Variants in LPIN1 observed in about 807,000 individuals in gnomAD.
LPIN1 encodes lipin 1.
Under a neutral mutation model 107.5 loss-of-function variants are expected in LPIN1, and 71 were observed. The ratio of observed to expected loss-of-function variants is 0.66; its 90% confidence interval spans 0.55 to 0.80. The LOEUF (loss-of-function observed/expected upper bound fraction) is 0.80. Ranked by LOEUF, LPIN1 falls within the 30% of genes least tolerant of loss-of-function variation. LPIN1 has a pLI of 0.00. For missense variants in LPIN1, 1,043 were observed against 1,160.6 expected (o/e 0.90, Z 1.47); for synonymous variants, 445 against 452.6 (o/e 0.98, Z 0.21).
Position 11,782,218 on chromosome 2 carries a change from G to C in LPIN1, c.975G>C (p.Lys325Asn). Reference protein sequence around the residue: ...PQAAKSSSPHKMKESSPLSSR... With the variant: ...PQAAKSSSPHNMKESSPLSSR... ...TGCTCTAGTCTTCTTCTCCACACAA[G>C]ATGAAAGAGTCCAGCCCATTGAGCA... Residue 325 changes from lysine (K) to asparagine (N), a missense_variant, in exon 8 of 21, where the codon AAG becomes AAC. Transcript: ENST00000674199. 9 of 1,614,022 alleles carry C rather than the reference G, an allele frequency of 5.6e-6. No individual in the cohort carries two copies. Among genetic ancestry groups the C allele is most frequent in the Non-Finnish European group, 7.6e-6 (9 of 1,179,920 alleles).
At chr2:11,715,779 G>A (rs1663694784) in intron 2 of LPIN1, among the ~76,000 whole-genome samples, 1 of 152,152 alleles carries the variant, frequency 6.6e-6, no homozygotes, top group African/African-American at 2.4e-5. Context: ...TTTGAGATTT[G>A]GGGGATGTGA....
At chr2:11,805,414 T>C (rs2148703928) in intron 17 of LPIN1, 2 of 578,046 alleles carry the variant, frequency 3.5e-6, no homozygotes, top group Non-Finnish European at 6.2e-6. Context: ...ACACAGATGG[T>C]GGCAGCATTA....
upstream of LPIN1, among the ~76,000 whole-genome samples, chr2:11,744,329 C>G (rs546234184): frequency 2.6e-5 from 4 of 152,362 alleles, no homozygotes; most frequent in South Asian, 8.3e-4. Context: ...GGACTCCAGC[C>G]AGTGCCTGAT....
chr2:11,716,383 G>T (rs1183245491), intron 2 of LPIN1, among the ~76,000 whole-genome samples: 2 of 151,926 alleles, frequency 1.3e-5, no homozygotes, highest in Middle Eastern at 3.2e-3. Flanking sequence ...AAGACTCAAA[G>T]TCTCTCTCTC....
At chr2:11,788,089 C>T (rs1674976942) in intron 11 of LPIN1, among the ~76,000 whole-genome samples, 1 of 152,130 alleles carries the variant, frequency 6.6e-6, no homozygotes, top group South Asian at 2.1e-4. Context: ...CAAGAAATAC[C>T]CCAAGCACGT....
At chr2:11,694,923 C>G (rs974867314) in intron 1 of LPIN1, among the ~76,000 whole-genome samples, 1 of 152,180 alleles carries the variant, frequency 6.6e-6, no homozygotes, top group Non-Finnish European at 1.5e-5. Flanking sequence ...TTTCTCCACC[C>G]ATTTTTCTCA....
rs1674590336 is a variant in LPIN1, at chr2:11,786,424, A to G, written c.1550-650A>G. Among the ~76,000 whole-genome samples, 1 of 152,140 alleles carries G rather than the reference A, an allele frequency of 6.6e-6. No individual in the cohort carries two copies. Among genetic ancestry groups the G allele is most frequent in the Non-Finnish European group, 1.5e-5 (1 of 68,028 alleles). On this transcript the variant is annotated intron_variant, in intron 10 of 20. Transcript: ENST00000674199. The surrounding 1 kb of genome is among the most constrained non-coding windows in gnomAD (Gnocchi z 4.1). ...GCTTAAGGTACAGCCCAGCTGCCAGAGCCCGTCAAAGAACTGAGGGTCCGG... is the reference window on the plus strand; with the variant it reads ...GCTTAAGGTACAGCCCAGCTGCCAGGGCCCGTCAAAGAACTGAGGGTCCGG...
chr2:11,718,644 C>T (rs1558747135), intron 2 of LPIN1, among the ~76,000 whole-genome samples: 1 of 152,234 alleles, frequency 6.6e-6, no homozygotes, highest in African/African-American at 2.4e-5. Context: ...CCATTACCTT[C>T]TAGCAGCAAA....
intron 1 of LPIN1, among the ~76,000 whole-genome samples, chr2:11,750,684 G>A (rs759787178): frequency 3.3e-5 from 5 of 152,170 alleles, no homozygotes; most frequent in East Asian, 1.9e-4. Context: ...AAATAGATGC[G>A]AAACTGCAGT....
At chr2:11,693,788 G>GTGTGTATA (rs1375045563) in intron 1 of LPIN1, among the ~76,000 whole-genome samples, 1 of 40,984 alleles carries the variant, frequency 2.4e-5, no homozygotes, top group African/African-American at 9.4e-5. Context: ...GTGTGAGTGT[G>GTGTGTATA]TATATATATA....
chr2:11,739,251 C>T (rs189591095), intron 1 of LPIN1, among the ~76,000 whole-genome samples: 14 of 152,298 alleles, frequency 9.2e-5, no homozygotes, highest in African/African-American at 2.9e-4. Context: ...TGTGAGTCAC[C>T]GTCCTGGAGG....
At position 11,803,032 on chromosome 2, in the gene LPIN1, T is replaced by C. The variant is rs1468452901; in HGVS notation, c.2012T>C (p.Leu671Pro). The stretch of plus-strand genomic sequence containing the variant: ...ACTCTCCGGCTGACTTCCGAGCAGC[T>C]TGTGAGTCTCCCATGCTTGGCGCGG... ...KKTLRLTSEQ[L>P]KSLKLKNGPN... Residue 671 changes from leucine to proline, a missense_variant and splice_region_variant, in exon 15 of 21, where the codon CTT becomes CCT. By Grantham distance (98) the Leu-to-Pro change is moderately conservative (BLOSUM62 -3). Transcript: ENST00000674199. The surrounding 1 kb of genome is among the most constrained non-coding windows in gnomAD (Gnocchi z 4.2). The C allele has an allele frequency of 3.7e-6, 6 of 1,612,372 alleles. No homozygotes were observed. The highest frequency in any genetic ancestry group is 4.2e-6 in the Non-Finnish European group (5 of 1,180,028).
At position 11,713,217 on chromosome 2, in the gene LPIN1, G is replaced by T. The variant is rs189969371; in HGVS notation, c.82-539G>T. ...GACAGGGAGTTTCCAACCTCATAAC[G>T]CACCCTATGTAATTGACACATCATA... On this transcript the variant is annotated intron_variant, in intron 1 of 21. Transcript: ENST00000449576. 5.3e-5 allele frequency among the ~76,000 whole-genome samples: 8 copies of T among 152,288 alleles called. No individual in the cohort carries two copies. In the East Asian group the frequency reaches 1.3e-3, roughly 26 times the overall value.
chr2:11,755,938 A>T (rs758307799), intron 1 of LPIN1, among the ~76,000 whole-genome samples: 1 of 151,740 alleles, frequency 6.6e-6, no homozygotes, highest in East Asian at 1.9e-4. Flanking sequence ...AGCCAGGATG[A>T]TCTCGGTCTC....
At chr2:11,681,461 T>G (rs1661708937) in intron 1 of LPIN1, 1 of 158,368 alleles carries the variant, frequency 6.3e-6, no homozygotes, top group Non-Finnish European at 1.4e-5. Flanking sequence ...ATATAGGACG[T>G]GCTGGCTTCC....
chr2:11,782,264 A>G lies in LPIN1; in HGVS notation c.1021A>G (p.Ser341Gly), dbSNP rs1450732028. The G allele has an allele frequency of 6.2e-7, 1 of 1,614,232 alleles. No homozygotes were observed. The highest frequency in any genetic ancestry group is 8.5e-7 in the Non-Finnish European group (1 of 1,180,046). Residue 341 changes from serine (S) to glycine (G), a missense_variant, in exon 8 of 21, where the codon AGT becomes GGT. Coordinates refer to ENST00000674199, the MANE Select transcript of LPIN1 (RefSeq NM_001349206.2). ...PLSSRKICDK[S>G]HFQAIHSESS... ...GAGCAGTAGAAAAATTTGTGATAAA[A>G]GTCACTTTCAGGCCATTCACAGCGA...
At position 11,825,329 on chromosome 2, in the gene LPIN1, C is replaced by T. The variant is rs531722548; in HGVS notation, c.*538C>T. 2.8e-4 allele frequency: 45 copies of T among 160,166 alleles called. No individual in the cohort carries two copies. The highest frequency in any genetic ancestry group is 5.5e-4 in the Non-Finnish European group (40 of 72,606). The allele number at this position is 160,166 out of a possible 1,614,324, so 9.9% of individuals were successfully genotyped here. A position where few individuals can be genotyped will look rare whatever the true frequency, so the allele number is the denominator to read the frequency against. On this transcript the variant is annotated 3_prime_UTR_variant, in exon 21 of 21. Coordinates refer to ENST00000674199, the MANE Select transcript of LPIN1 (RefSeq NM_001349206.2). This position sits in a 1 kb window ranked among gnomAD's most constrained non-coding sequence, Gnocchi z 4.1. ...AGGTCTCTGATAGAAATCTGGACGC[C>T]ACCGGGTCCAGGCCTGGCCTCAGAC...
intron 1 of LPIN1, among the ~76,000 whole-genome samples, chr2:11,727,265 C>T (rs933363756): frequency 7.2e-5 from 11 of 152,174 alleles, no homozygotes; most frequent in African/African-American, 2.7e-4. Context: ...GGAAAAGTAG[C>T]GTCTTCACCA....
intron 18 of LPIN1, 90 bp from the exon 19 acceptor site, chr2:11,819,394 A>G: frequency 1.2e-6 from 1 of 861,754 alleles, no homozygotes; most frequent in South Asian, 1.4e-5. Context: ...GAGTTTTCTC[A>G]GTGTTGCGGC....
Sources: gnomAD v4.1 joint callset for allele counts (sites outside exome capture counted in the v4.1 genomes callset) on GRCh38, gnomAD v4.1.1 for gene constraint, Gnocchi (gnomAD v3.1) non-coding constraint, MANE v1.5 for transcripts, NCBI Gene and HGNC (gene_info 2026-07-23, HGNC 2026-07-21) for gene names.